STIM1: variants seen among roughly 807,000 people sequenced by gnomAD.
The protein encoded by STIM1 is stromal interaction molecule 1.
A neutral mutation model predicts 74.7 loss-of-function variants in STIM1; 25 were observed. The observed-to-expected ratio is 0.33, with a 90% confidence interval of 0.24 to 0.47. STIM1 has a LOEUF of 0.47. Among genes scored for constraint, STIM1 ranks in the 20% least tolerant of loss-of-function variants. The probability of loss-of-function intolerance (pLI) is 1.00; values close to 1 mark genes in which losing one functional copy is unlikely to be tolerated. For synonymous variants in STIM1, 328 were observed against 348.8 expected (o/e 0.94, Z 0.66); for missense variants, 728 against 920.8 (o/e 0.79, Z 2.71).
chr11:4,080,201 G>A (rs2133211401), intron 7 of STIM1, among the ~76,000 whole-genome samples: 1 of 152,086 alleles, frequency 6.6e-6, no homozygotes, highest in East Asian at 1.9e-4. Flanking sequence ...AGCTGAGACT[G>A]CACCACTGCA....
intron 1 of STIM1, among the ~76,000 whole-genome samples, chr11:3,954,808 A>T (rs1173988706): frequency 6.6e-6 from 1 of 152,234 alleles, no homozygotes; most frequent in Non-Finnish European, 1.5e-5. Context: ...GGGAGTATAA[A>T]GTGATATGCC....
chr11:4,007,701 C>G (rs2093796309), intron 2 of STIM1, among the ~76,000 whole-genome samples: 1 of 152,158 alleles, frequency 6.6e-6, no homozygotes, highest in Admixed American at 6.5e-5. Flanking sequence ...CAATTAATAT[C>G]TGAATTGTGC....
intron 1 of STIM1, among the ~76,000 whole-genome samples, chr11:3,905,005 AG>A (rs1277704761): frequency 6.6e-6 from 1 of 152,144 alleles, no homozygotes; most frequent in African/African-American, 2.4e-5. Context: ...TAGAGCAGAG[AG>A]GAACTCTGAT....
intron 1 of STIM1, among the ~76,000 whole-genome samples, chr11:3,904,110 T>C (rs1030527812): frequency 3.4e-5 from 5 of 145,576 alleles, no homozygotes; most frequent in African/African-American, 7.7e-5. Flanking sequence ...GGCAGGAGAA[T>C]TGCTTGAACC....
At chr11:3,869,053 C>T (rs1350484191) in intron 1 of STIM1, among the ~76,000 whole-genome samples, 3 of 152,102 alleles carry the variant, frequency 2.0e-5, no homozygotes, top group Non-Finnish European at 2.9e-5. Flanking sequence ...ATTGCAAGCC[C>T]TGCCTCCCGG....
chr11:4,055,788 C>G (rs553814965), intron 4 of STIM1, 151 bp downstream of exon 4: 2 of 615,868 alleles, frequency 3.2e-6, no homozygotes, highest in Non-Finnish European at 5.8e-6. Context: ...CTGTTGTGCA[C>G]TTGCTATAAA....
At chr11:4,046,729 A>G (rs548874106) in intron 3 of STIM1, among the ~76,000 whole-genome samples, 2 of 152,172 alleles carry the variant, frequency 1.3e-5, no homozygotes, top group African/African-American at 4.8e-5. Context: ...GGCTCACTGC[A>G]ACCTTGAACT....
chr11:4,004,030 G>C (rs574610821), intron 2 of STIM1, among the ~76,000 whole-genome samples: 4 of 152,224 alleles, frequency 2.6e-5, no homozygotes, highest in Admixed American at 6.5e-5. Context: ...ATCCAACTTA[G>C]AAGGGACGTG....
chr11:4,015,943 C>T (rs2093892209), intron 2 of STIM1, among the ~76,000 whole-genome samples: 1 of 152,190 alleles, frequency 6.6e-6, no homozygotes, highest in South Asian at 2.1e-4. Context: ...AGCCATTTGT[C>T]TAACCTTTTT....
At chr11:4,054,118 T>A (rs1360246434) in intron 3 of STIM1, among the ~76,000 whole-genome samples, 1 of 152,208 alleles carries the variant, frequency 6.6e-6, no homozygotes, top group Admixed American at 6.5e-5. Flanking sequence ...CTACTACTGC[T>A]TGGACAGTGC....
chr11:4,061,109 T>C (rs537521368), intron 5 of STIM1, among the ~76,000 whole-genome samples: 2 of 152,340 alleles, frequency 1.3e-5, no homozygotes, highest in South Asian at 4.1e-4. Context: ...ATATATATTA[T>C]CAAGCTTTAT....
At chr11:3,876,285 A>T (rs2091304564) in intron 1 of STIM1, among the ~76,000 whole-genome samples, 1 of 152,198 alleles carries the variant, frequency 6.6e-6, no homozygotes, top group Middle Eastern at 3.2e-3. Context: ...GAAGGATGCA[A>T]AATTAATGGA....
At chr11:3,896,734 T>A (rs1372905791) in intron 1 of STIM1, among the ~76,000 whole-genome samples, 1 of 152,188 alleles carries the variant, frequency 6.6e-6, no homozygotes, top group Admixed American at 6.5e-5. Context: ...GAAAAGTTGG[T>A]ACCTTAGCTT....
intron 1 of STIM1, among the ~76,000 whole-genome samples, chr11:3,886,671 G>C (rs1431725148): frequency 8.0e-6 from 1 of 125,298 alleles, no homozygotes; most frequent in Non-Finnish European, 1.6e-5. Flanking sequence ...CTGGGTGACA[G>C]AGCGAGACTC....
At chr11:3,996,142 G>A (rs2093661640) in intron 2 of STIM1, among the ~76,000 whole-genome samples, 2 of 152,282 alleles carry the variant, frequency 1.3e-5, no homozygotes, top group East Asian at 3.9e-4. Flanking sequence ...AAGAGATTCA[G>A]ATCTCTTTGT....
chr11:3,978,685 C>T (rs1162992139), intron 2 of STIM1, among the ~76,000 whole-genome samples: 6 of 151,850 alleles, frequency 4.0e-5, no homozygotes, highest in Admixed American at 3.9e-4. Flanking sequence ...CACCTGAACC[C>T]CAGGGAGGCG....
intron 1 of STIM1, among the ~76,000 whole-genome samples, chr11:3,862,172 G>A (rs1312305386): frequency 6.6e-6 from 1 of 152,118 alleles, no homozygotes; most frequent in Non-Finnish European, 1.5e-5. Flanking sequence ...TGAATACCCT[G>A]AAATGACTTT....
At chr11:3,990,244 T>A (rs1042322857) in intron 2 of STIM1, among the ~76,000 whole-genome samples, 1 of 152,252 alleles carries the variant, frequency 6.6e-6, no homozygotes, top group Admixed American at 6.5e-5. Context: ...TATATATATC[T>A]GTACTTTATT....
At chr11:4,086,709 T>TACCACCACC in intron 12 of STIM1, 166 bp downstream of exon 12, 3 of 1,538,304 alleles carry the variant, frequency 2.0e-6, no homozygotes, top group Non-Finnish European at 2.6e-6. Flanking sequence ...CCATCACCAC[T>TACCACCACC]ACCACCACCA....
Sources: gnomAD v4.1 joint callset for allele counts (sites outside exome capture counted in the v4.1 genomes callset) on GRCh38, gnomAD v4.1.1 for gene constraint, MANE v1.5 for transcripts, NCBI Gene and HGNC (gene_info 2026-07-23, HGNC 2026-07-21) for gene names.